Variants in CPA5 observed in about 807,000 individuals in gnomAD.
CPA5 encodes the protein testicular tissue protein Li 32.
Under a neutral mutation model 52.2 loss-of-function variants are expected in CPA5, and 38 were observed. That is an observed-to-expected ratio of 0.73 (90% CI 0.56 to 0.95). CPA5 has a LOEUF of 0.95. CPA5 is among the 40% of genes least tolerant of loss of function. CPA5 has a pLI of 0.00. For missense variants in CPA5, 519 were observed against 566.7 expected (o/e 0.92, Z 0.86); for synonymous variants, 198 against 213.7 (o/e 0.93, Z 0.64).
At chr7:130,349,471 A>C (rs1222013501) in intron 4 of CPA5, among the ~76,000 whole-genome samples, 1 of 152,194 alleles carries the variant, frequency 6.6e-6, no homozygotes, top group Non-Finnish European at 1.5e-5. Context: ...TCTGTCAAAA[A>C]CATAGAAAGA....
At chr7:130,345,409 G>T (rs1794676907) in intron 1 of CPA5, 1 of 152,206 alleles carries the variant, frequency 6.6e-6, no homozygotes, top group African/African-American at 2.4e-5. Context: ...ACCCCCTGTG[G>T]ATTTTCTGTT....
chr7:130,365,168 C>T (rs1353761888), intron 10 of CPA5, among the ~76,000 whole-genome samples: 1 of 152,182 alleles, frequency 6.6e-6, no homozygotes. Flanking sequence ...AGTGAGGTCC[C>T]TGGCCCTAGC....
chr7:130,369,816 G>A (rs1796274708), downstream of CPA5, among the ~76,000 whole-genome samples: 1 of 152,260 alleles, frequency 6.6e-6, no homozygotes, highest in Admixed American at 6.5e-5. Context: ...AGACTCCACT[G>A]TGTAAAGGCA....
At chr7:130,371,373 A>G (rs1326435477), downstream of CPA5, among the ~76,000 whole-genome samples, 1 of 152,232 alleles carries the variant, frequency 6.6e-6, no homozygotes, top group African/African-American at 2.4e-5. Context: ...AAAGGCACAC[A>G]GGTCCTGAGT....
downstream of CPA5, among the ~76,000 whole-genome samples, chr7:130,371,515 T>C (rs1469794201): frequency 6.6e-6 from 1 of 151,744 alleles, no homozygotes; most frequent in East Asian, 1.9e-4. Flanking sequence ...GCCAGATCTC[T>C]GTACAGCCAT....
In CPA5 at chr7:130,366,950, G is replaced by C. The variant is rs116175405; in HGVS notation, c.839-422G>C. Among the ~76,000 whole-genome samples the C allele has an allele frequency of 3.4e-3, 516 of 152,306 alleles. 6 individuals carry two copies. The highest frequency in any genetic ancestry group is 0.012 in the African/African-American group (482 of 41,570). ...GGGTATGGTGCGGCTGCAGTCCTCT[G>C]ACATATTAGATTAGAGGATGCAGCA... On this transcript the variant is annotated intron_variant, in intron 10 of 12. Coordinates refer to ENST00000474905, the MANE Select transcript of CPA5 (RefSeq NM_080385.5).
rs200717171 is a variant in CPA5 at position 130,346,507 on chromosome 7, G to A, written c.22G>A (p.Gly8Arg). 15 of 1,613,350 alleles carry A rather than the reference G, an allele frequency of 9.3e-6. No individual in the cohort carries two copies. The highest frequency in any genetic ancestry group is 3.3e-5 in the Admixed American group (2 of 59,990). The change falls in exon 3 of 13, where the codon GGG becomes AGG. Residue 8 changes from glycine (G) to arginine (R), a missense_variant. Transcript: ENST00000474905. The stretch of plus-strand genomic sequence containing the variant: ...AAGCATGCAGGGCACCCCTGGAGGC[G>A]GGACGCGCCCTGGGCCATCCCCCGT... MQGTPGG[G>R]TRPGPSPVDR...
intron 10 of CPA5, among the ~76,000 whole-genome samples, chr7:130,365,449 G>A (rs896002072): frequency 4.6e-5 from 7 of 152,076 alleles, no homozygotes; most frequent in Non-Finnish European, 8.8e-5. Context: ...GCCCAGAGGG[G>A]GCAAAAAGCT....
At position 130,361,260 on chromosome 7, in the gene CPA5, G is replaced by A; in HGVS notation, c.534+16G>A. ...TGTCCTGAAGGTAAAAGCCCACAATGTCAACCTGTAGACTCTACCTTGAGG... is the reference window on the plus strand; with the variant it reads ...TGTCCTGAAGGTAAAAGCCCACAATATCAACCTGTAGACTCTACCTTGAGG... On this transcript the variant is annotated intron_variant, in intron 7 of 12. Coordinates refer to ENST00000474905, the MANE Select transcript of CPA5 (RefSeq NM_080385.5). The A allele has an allele frequency of 6.4e-7, 1 of 1,553,702 alleles. No individual in the cohort carries two copies. Among genetic ancestry groups the A allele is most frequent in the Non-Finnish European group, 8.9e-7 (1 of 1,125,012 alleles).
chr7:130,350,207 G>C lies in CPA5; in HGVS notation c.333+98G>C, dbSNP rs1393611188. 86 of 1,299,950 alleles carry C rather than the reference G, an allele frequency of 6.6e-5. No individual in the cohort carries two copies. The East Asian group carries it at 1.4e-3, about 21-fold the overall frequency. 80.5% of individuals were successfully genotyped at this position (1,299,950 alleles called of 1,614,324 possible). ...TTCTCGGGGCTAAAAGTGGACATGT[G>C]GTTTCTGGGTCTCCATCAGCGTGTT... On this transcript the variant is annotated intron_variant, in intron 5 of 12. Coordinates refer to ENST00000474905, the MANE Select transcript of CPA5 (RefSeq NM_080385.5).
At chr7:130,366,006 AG>A (rs1458491602) in intron 10 of CPA5, among the ~76,000 whole-genome samples, 1 of 152,178 alleles carries the variant, frequency 6.6e-6, no homozygotes, top group African/African-American at 2.4e-5. Context: ...CAAACCGAGA[AG>A]GGGCGCGCTC....
chr7:130,349,901 C>T (rs556840966), intron 4 of CPA5, 74 bp from the exon 5 acceptor site: 22 of 1,511,338 alleles, frequency 1.5e-5, no homozygotes, highest in African/African-American at 1.4e-4. Context: ...TTCTCTGGCT[C>T]TCTGTGGTCA....
chr7:130,352,714 A>G (rs1450295933), intron 5 of CPA5, among the ~76,000 whole-genome samples: 1 of 152,234 alleles, frequency 6.6e-6, no homozygotes, highest in African/African-American at 2.4e-5. Flanking sequence ...GGACAGGACC[A>G]GGGAGAGACT....
chr7:130,349,410 G>A (rs142275512), intron 4 of CPA5, among the ~76,000 whole-genome samples: 1 of 151,968 alleles, frequency 6.6e-6, no homozygotes, highest in Non-Finnish European at 1.5e-5. Flanking sequence ...CCCCAGCCTG[G>A]GCGAAACTCC....
intron 5 of CPA5, 34 bp from the exon 6 acceptor site, chr7:130,359,555 C>A (rs1554406010): frequency 2.0e-6 from 3 of 1,504,394 alleles, no homozygotes; most frequent in Non-Finnish European, 2.7e-6. Context: ...CCAGCTCTCC[C>A]CTTCCTTTCC....
At chr7:130,359,979 T>C (rs1389649807) in intron 6 of CPA5, among the ~76,000 whole-genome samples, 1 of 152,074 alleles carries the variant, frequency 6.6e-6, no homozygotes, top group Non-Finnish European at 1.5e-5. Context: ...AGGGACCCAT[T>C]ATGGGCCAGA....
downstream of CPA5, among the ~76,000 whole-genome samples, chr7:130,372,563 T>C (rs1796305317): frequency 6.6e-6 from 1 of 152,114 alleles, no homozygotes; most frequent in Non-Finnish European, 1.5e-5. Context: ...CTGCTCTACC[T>C]CCCTTGTGAC....
At chr7:130,345,948 T>C (rs1204339240) in intron 2 of CPA5, 52 bp downstream of exon 2, 3 of 152,166 alleles carry the variant, frequency 2.0e-5, no homozygotes, top group African/African-American at 7.2e-5. Flanking sequence ...TAAACTGAGA[T>C]TTAGAGATTA....
At chr7:130,368,807 G>C (rs909543680), downstream of CPA5, 3 of 570,628 alleles carry the variant, frequency 5.3e-6, no homozygotes, top group African/African-American at 5.7e-5. Context: ...TTCTCATTCC[G>C]CAGGGGAGCC....
Sources: gnomAD v4.1 joint callset for allele counts (sites outside exome capture counted in the v4.1 genomes callset) on GRCh38, gnomAD v4.1.1 for gene constraint, MANE v1.5 for transcripts, NCBI Gene and HGNC (gene_info 2026-07-23, HGNC 2026-07-21) for gene names.